Variants in TTN observed in about 807,000 individuals in gnomAD.
TTN encodes the protein connectin.
A neutral mutation model predicts 3,223.0 loss-of-function variants in TTN; 1,525 were observed. That is an observed-to-expected ratio of 0.47 (90% CI 0.45 to 0.49). The LOEUF (loss-of-function observed/expected upper bound fraction) is 0.49, where lower values mean the gene tolerates loss of function less well. Ranked by LOEUF, TTN falls within the 20% of genes least tolerant of loss-of-function variation. The pLI is 0.00. For synonymous variants in TTN, 14,094 were observed against 15,161.0 expected (o/e 0.93, Z 5.17); for missense variants, 40,786 against 43,424.0 (o/e 0.94, Z 5.40).
At chr2:178,750,036 CTTTAGA>C (rs759872691) in intron 47 of TTN, 1 of 1,613,148 alleles carries the variant, frequency 6.2e-7, no homozygotes, top group South Asian at 1.1e-5. Context: ...TGAAACACTT[CTTTAGA>C]CTCTTTATCC....
chr2:178,570,722 C>G lies in TTN; in HGVS notation c.75410G>C (p.Gly25137Ala), dbSNP rs369755096. The G allele has an allele frequency of 1.1e-5, 18 of 1,613,406 alleles. No individual in the cohort carries two copies. The African/African-American group carries it at 2.4e-4, about 22-fold the overall frequency. The change falls in exon 326 of 363, where the codon GGC becomes GCC. Residue 25137 changes from glycine to alanine, a missense_variant. By Grantham distance (60) the Gly-to-Ala change is moderately conservative (BLOSUM62 0). Transcript: ENST00000589042. ...CCACTGAATGGTTGGTATTGGTTTG[C>G]CATAAATATCTGCATCAACCTTGAA... is the stretch of plus-strand genomic sequence containing the variant. ...ESFKVDADIY[G>A]KPIPTIQWIK...
At position 178,527,589 on chromosome 2, in the gene TTN, A is replaced by G; in HGVS notation, c.107537T>C (p.Met35846Thr). 1 of 1,614,006 alleles carries G rather than the reference A, an allele frequency of 6.2e-7. No homozygotes were observed. Among genetic ancestry groups the G allele is most frequent in the Non-Finnish European group, 8.5e-7 (1 of 1,179,872 alleles). The change falls in exon 362 of 363, where the codon ATG becomes ACG. Residue 35846 changes from methionine (M) to threonine (T), a missense_variant. Transcript: ENST00000589042. ...TTGGGCAGACATGCTTGCAAATTTC[A>G]TCTCAGTCATGCTGCTAGCACTGCT... ...SSSSASSMTEMKFASMSAQSM... is the reference protein window; with the variant it reads ...SSSSASSMTETKFASMSAQSM...
rs755125952 is a variant in TTN, at chr2:178,713,066, T to G, written c.27049+19A>C. 1 of 1,608,820 alleles carries G rather than the reference T, an allele frequency of 6.2e-7. No homozygotes were observed. Among genetic ancestry groups the G allele is most frequent in the Non-Finnish European group, 8.5e-7 (1 of 1,176,218 alleles). On this transcript the variant is annotated intron_variant, in intron 93 of 362. Transcript: ENST00000589042. Reference sequence around the variant, plus strand: ...ATAAACTATGAAATGCAATTCATTTTACTGTTTTGTAAACTGACCTCTCAC... The same window carrying G: ...ATAAACTATGAAATGCAATTCATTTGACTGTTTTGTAAACTGACCTCTCAC...
At chr2:178,682,999 T>C in intron 134 of TTN, 96 bp from the exon 135 acceptor site, 1 of 1,242,896 alleles carries the variant, frequency 8.0e-7, no homozygotes, top group Non-Finnish European at 1.1e-6. Flanking sequence ...CTTTTGCGTT[T>C]GTTTCATGCA....
At chr2:178,695,508 C>A (rs1001105462) in intron 114 of TTN, 98 bp from the exon 115 acceptor site, 7 of 914,440 alleles carry the variant, frequency 7.7e-6, no homozygotes, top group Non-Finnish European at 1.2e-5. Context: ...AATATATAAT[C>A]GTGTGAAGTA....
Position 178,551,867 on chromosome 2 carries a change from A to G in TTN, c.91033T>C (p.Trp30345Arg). 1 of 1,613,890 alleles carries G rather than the reference A, an allele frequency of 6.2e-7. No individual in the cohort carries two copies. ...NVTSDGMSLT[W>R]DAPVYDGGSE... ...CCACCATCATAAACTGGAGCATCCCAAGTTAGTGACATGCCATCAGAAGTC... is the reference window on the plus strand; with the variant it reads ...CCACCATCATAAACTGGAGCATCCCGAGTTAGTGACATGCCATCAGAAGTC... Residue 30345 changes from tryptophan to arginine, a missense_variant, in exon 335 of 363, where the codon TGG becomes CGG. Transcript: ENST00000589042.
rs759428862 is a variant in TTN, at chr2:178,543,323, G to T, written c.96650C>A (p.Ser32217Tyr). The T allele has an allele frequency of 6.2e-7, 1 of 1,613,846 alleles. No homozygotes were observed. The highest frequency in any genetic ancestry group is 2.2e-5 in the East Asian group (1 of 44,858). The change falls in exon 347 of 363, where the codon TCC becomes TAC. Residue 32217 changes from serine (S) to tyrosine (Y), a missense_variant. By Grantham distance (144) the Ser-to-Tyr change is moderately radical. Transcript: ENST00000589042. The stretch of plus-strand genomic sequence containing the variant: ...TTTTTCCCAGGCAAGGGTAACAGTG[G>T]ATTTGGTGACATCGACCACTTCTAG... ...AKLEVVDVTK[S>Y]TVTLAWEKPL... is the part of the protein sequence containing the mutation.
chr2:178,678,899 G>T (rs1232887130), intron 142 of TTN, 69 bp from the exon 143 acceptor site: 1 of 1,281,462 alleles, frequency 7.8e-7, no homozygotes, highest in Non-Finnish European at 1.1e-6. Flanking sequence ...GGCTGGCAAT[G>T]TAAGGCCTTA....
chr2:178,541,556 C>T lies in TTN; in HGVS notation c.97521G>A (p.Gln32507=), dbSNP rs537155471. The change falls in exon 350 of 363, where the codon CAG becomes CAA. Residue 32507 remains glutamine, a synonymous_variant. Transcript: ENST00000589042. ...TGCCATCACGGGAAACATCAAATAT[C>T]TGTAATGTTTCTGGGGGTCCAGGAA... ...IRIPGPPETL[Q]IFDVSRDGMT... 6.2e-7 allele frequency: 1 copy of T among 1,611,238 alleles called. No homozygotes were observed. Among genetic ancestry groups the T allele is most frequent in the Admixed American group, 1.7e-5 (1 of 59,824 alleles).
In TTN at chr2:178,645,611, C is replaced by T. The variant is rs548609422; in HGVS notation, c.40408+309G>A. 11 of 199,998 alleles carry T rather than the reference C, an allele frequency of 5.5e-5. No homozygotes were observed. The South Asian group carries it at 9.8e-4, about 18-fold the overall frequency. 12.4% of individuals were successfully genotyped at this position (199,998 alleles called of 1,614,324 possible). On this transcript the variant is annotated intron_variant, in intron 217 of 362. Coordinates refer to ENST00000589042, the MANE Select transcript of TTN (RefSeq NM_001267550.2). ...AGATCGCAATGATATGTATAGCAAT[C>T]AGGCTTTGAAATCAGAAAACTCTTT...
In TTN at chr2:178,560,658, C is replaced by G; in HGVS notation, c.85474G>C (p.Glu28492Gln). The G allele has an allele frequency of 6.2e-7, 1 of 1,613,640 alleles. No homozygotes were observed. Among genetic ancestry groups the G allele is most frequent in the African/African-American group, 1.3e-5 (1 of 75,028 alleles). Reference protein sequence around the residue: ...DIDYYIVEKRETSHLAWTICE... With the variant: ...DIDYYIVEKRQTSHLAWTICE... ...ATTGTCCATGCAAGGTGGCTTGTTT[C>G]ACGTTTTTCTACGATGTAATAGTCG... The change falls in exon 326 of 363, where the codon GAA becomes CAA. Residue 28492 changes from glutamate (E) to glutamine (Q), a missense_variant. Physicochemically the swap from Glu to Gln is conservative, Grantham distance 29. Coordinates refer to ENST00000589042, the MANE Select transcript of TTN (RefSeq NM_001267550.2).
rs750527132 is a variant in TTN, at chr2:178,764,648, A to G, written c.9867T>C (p.His3289=). Residue 3289 remains histidine (H), a synonymous_variant, in exon 42 of 363, where the codon CAT becomes CAC. Coordinates refer to ENST00000589042, the MANE Select transcript of TTN (RefSeq NM_001267550.2). Reference sequence around the variant, plus strand: ...GCAAAAGCGTGTATTCTTGCCCATCATGAAGAAATTTGCACTTGAAGCCAG... The same window carrying G: ...GCAAAAGCGTGTATTCTTGCCCATCGTGAAGAAATTTGCACTTGAAGCCAG... ...LSTGFKCKFL[H]DGQEYTLLLI... The G allele has an allele frequency of 1.2e-6, 2 of 1,613,970 alleles. No homozygotes were observed. Among genetic ancestry groups the G allele is most frequent in the Admixed American group, 3.3e-5 (2 of 59,994 alleles).
At chr2:178,639,927 T>C in intron 222 of TTN, 121 bp downstream of exon 222, 2 of 1,456,010 alleles carry the variant, frequency 1.4e-6, no homozygotes, top group South Asian at 2.5e-5. Context: ...ATTAAGCATT[T>C]TGAGACGTTA....
intron 2 of TTN, among the ~76,000 whole-genome samples, chr2:178,803,062 T>C (rs1677199021): frequency 1.3e-5 from 2 of 152,232 alleles, no homozygotes; most frequent in African/African-American, 4.8e-5. Context: ...ATTAAAACTC[T>C]GTACATTGAG....
chr2:178,750,243 A>G (rs751257923), intron 47 of TTN: 52 of 1,613,070 alleles, frequency 3.2e-5, no homozygotes, highest in Middle Eastern at 1.6e-4. Context: ...TCCTCATCCA[A>G]GTAGTCATGG....
intron 45 of TTN, among the ~76,000 whole-genome samples, chr2:178,757,231 T>TACTGTACTTG (rs1252574568): frequency 8.7e-4 from 130 of 148,930 alleles, no homozygotes; most frequent in South Asian, 1.3e-3. Flanking sequence ...TAAGTAATAA[T>TACTGTACTTG]CAGCAAATAG....
In TTN at chr2:178,613,027, T is replaced by C. The variant is rs770853524; in HGVS notation, c.49694A>G (p.Lys16565Arg). The change falls in exon 265 of 363, where the codon AAA becomes AGA. Residue 16565 changes from lysine (K) to arginine (R), a missense_variant. Transcript: ENST00000589042. ...PGKPTVKDVGKTSVRLNWTKP... is the reference protein window; with the variant it reads ...PGKPTVKDVGRTSVRLNWTKP... ...TGTCCAATTCAACCTTACTGATGTT[T>C]TGCCTACATCTTTTACAGTTGGTTT... 7 of 1,612,842 alleles carry C rather than the reference T, an allele frequency of 4.3e-6. No individual in the cohort carries two copies. The African/African-American group carries it at 8.0e-5, about 18-fold the overall frequency.
At chr2:178,676,703 C>T (rs533271982) in intron 147 of TTN, among the ~76,000 whole-genome samples, 18 of 151,876 alleles carry the variant, frequency 1.2e-4, no homozygotes, top group East Asian at 5.8e-4. Flanking sequence ...GTAAAGTCAA[C>T]GCTAAAATCA....
intron 135 of TTN, among the ~76,000 whole-genome samples, chr2:178,682,305 A>T (rs1195662704): frequency 6.6e-6 from 1 of 152,012 alleles, no homozygotes; most frequent in Non-Finnish European, 1.5e-5. Flanking sequence ...ATAGCCTATC[A>T]TACTCCGTAA....
Sources: allele counts gnomAD v4.1 joint callset (sites outside exome capture counted in the v4.1 genomes callset), GRCh38; gene constraint gnomAD v4.1.1; transcripts MANE v1.5; gene names NCBI Gene and HGNC (gene_info 2026-07-23, HGNC 2026-07-21).